The following CDH12 variants were observed in gnomAD, a reference collection of about 807,000 sequenced individuals.
CDH12 encodes cadherin 12.
In CDH12, 41 loss-of-function variants were observed where a neutral mutation model predicts 74.1. The ratio of observed to expected loss-of-function variants is 0.55; its 90% CI spans 0.43 to 0.72. The LOEUF (loss-of-function observed/expected upper bound fraction) is 0.72, where lower values mean the gene tolerates loss of function less well. Ranked by LOEUF, CDH12 falls within the 30% of genes least tolerant of loss-of-function variation. The pLI is 0.00. For missense variants in CDH12, 945 were observed against 977.2 expected (o/e 0.97, Z 0.44); for synonymous variants, 399 against 355.0 (o/e 1.12, Z -1.39).
chr5:21,859,506 C>T (rs1460708660), intron 6 of CDH12, among the ~76,000 whole-genome samples: 1 of 151,822 alleles, frequency 6.6e-6, no homozygotes, highest in African/African-American at 2.4e-5. Context: ...AATCAGTGTC[C>T]AATATATGGT....
rs958964355 is a variant in CDH12, at chr5:21,920,675, TA to T, written c.526+54415del. 5.3e-4 allele frequency among the ~76,000 whole-genome samples: 79 copies of T among 149,304 alleles called. 1 individual carries two copies. Among genetic ancestry groups the T allele is most frequent in the African/African-American group, 1.9e-3 (78 of 41,240 alleles). On this transcript the variant is annotated intron_variant, in intron 6 of 14. Coordinates refer to ENST00000382254, the MANE Select transcript of CDH12 (RefSeq NM_004061.5). The stretch of plus-strand genomic sequence containing the variant: ...TACCCCAGAACTTAAAGTATGATAA[TA>T]ATAATAATAATAATCTTCAAAGCCA...
intron 1 of CDH12, among the ~76,000 whole-genome samples, chr5:22,637,580 G>T (rs1404342886): frequency 5.9e-5 from 9 of 152,236 alleles, no homozygotes; most frequent in Admixed American, 5.9e-4. Flanking sequence ...AGACAGAACA[G>T]CAAAATGGCG....
chr5:22,796,582 G>C (rs1318681120), intron 1 of CDH12, among the ~76,000 whole-genome samples: 4 of 97,098 alleles, frequency 4.1e-5, no homozygotes, highest in East Asian at 3.4e-4. Context: ...TGCAGTGGCG[G>C]GATCTCGGCT....
intron 3 of CDH12, among the ~76,000 whole-genome samples, chr5:22,250,228 A>C (rs1418073316): frequency 6.6e-6 from 1 of 152,132 alleles, no homozygotes; most frequent in Non-Finnish European, 1.5e-5. Flanking sequence ...GCAAGGAAAA[A>C]AACCCACATA....
chr5:22,240,840 T>A (rs1160495601), intron 3 of CDH12, among the ~76,000 whole-genome samples: 1 of 152,198 alleles, frequency 6.6e-6, no homozygotes, highest in Non-Finnish European at 1.5e-5. Flanking sequence ...CCTGGCCGGA[T>A]AGTAATTATT....
chr5:21,764,513 G>A (rs1175305601), intron 12 of CDH12, among the ~76,000 whole-genome samples: 1 of 151,818 alleles, frequency 6.6e-6, no homozygotes, highest in Non-Finnish European at 1.5e-5. Context: ...GCTGGGCATG[G>A]TGGCGCATGC....
intron 4 of CDH12, among the ~76,000 whole-genome samples, chr5:22,189,853 C>T (rs1267276425): frequency 6.6e-6 from 1 of 151,894 alleles, no homozygotes; most frequent in Non-Finnish European, 1.5e-5. Flanking sequence ...CACATCTTCC[C>T]CCCGCCTATC....
chr5:22,146,714 G>A (rs2150304677), intron 4 of CDH12, among the ~76,000 whole-genome samples: 1 of 152,088 alleles, frequency 6.6e-6, no homozygotes. Flanking sequence ...CCCCTATCAA[G>A]GCTTAGTTTT....
chr5:22,727,663 G>T (rs1744228902), intron 1 of CDH12, among the ~76,000 whole-genome samples: 1 of 151,358 alleles, frequency 6.6e-6, no homozygotes. Context: ...TTTTTCTTCT[G>T]CCTGAAAATG....
intron 1 of CDH12, among the ~76,000 whole-genome samples, chr5:22,766,728 T>C (rs546396652): frequency 6.6e-6 from 1 of 152,228 alleles, no homozygotes; most frequent in East Asian, 1.9e-4. Flanking sequence ...CAGAAACTTG[T>C]TTTCTTGTCA....
intron 1 of CDH12, among the ~76,000 whole-genome samples, chr5:22,555,835 T>C (rs897325737): frequency 6.6e-6 from 1 of 151,818 alleles, no homozygotes; most frequent in Non-Finnish European, 1.5e-5. Context: ...AAAACATGCA[T>C]AATTGCATAA....
chr5:21,756,663 G>T (rs1744414664), intron 13 of CDH12, among the ~76,000 whole-genome samples: 1 of 152,084 alleles, frequency 6.6e-6, no homozygotes, highest in African/African-American at 2.4e-5. Flanking sequence ...TATTTCATTT[G>T]TGTGTCACAG....
chr5:22,431,004 G>A (rs1561398928), intron 2 of CDH12, among the ~76,000 whole-genome samples: 1 of 152,118 alleles, frequency 6.6e-6, no homozygotes, highest in Non-Finnish European at 1.5e-5. Flanking sequence ...CATGTTATTA[G>A]TAAGGTTACT....
At chr5:22,397,103 C>T (rs1268970596) in intron 3 of CDH12, among the ~76,000 whole-genome samples, 3 of 152,044 alleles carry the variant, frequency 2.0e-5, no homozygotes, top group African/African-American at 7.2e-5. Flanking sequence ...ACAATATCTC[C>T]CTGCCTCCCT....
intron 1 of CDH12, among the ~76,000 whole-genome samples, chr5:22,678,045 G>GT (rs1561571369): frequency 1.0e-4 from 2 of 19,564 alleles, no homozygotes; most frequent in African/African-American, 1.7e-4. Flanking sequence ...CCATCCTCAT[G>GT]GGGGGGGGGG....
chr5:22,244,805 A>AAGAAAAT (rs1752889858), intron 3 of CDH12, among the ~76,000 whole-genome samples: 1 of 146,310 alleles, frequency 6.8e-6, no homozygotes. Context: ...AGAAAGAAAA[A>AAGAAAAT]TTCAAAGTAG....
At chr5:21,978,710 C>T (rs1425224693) in intron 5 of CDH12, among the ~76,000 whole-genome samples, 1 of 152,034 alleles carries the variant, frequency 6.6e-6, no homozygotes, top group Non-Finnish European at 1.5e-5. Flanking sequence ...CCAATGGGCA[C>T]TCTGTATTCC....
At chr5:22,563,346 T>C (rs1317737439) in intron 1 of CDH12, among the ~76,000 whole-genome samples, 1 of 152,156 alleles carries the variant, frequency 6.6e-6, no homozygotes, top group African/African-American at 2.4e-5. Flanking sequence ...TTGAGTAATT[T>C]TTCAAATACC....
intron 3 of CDH12, among the ~76,000 whole-genome samples, chr5:22,265,861 A>T (rs1753683850): frequency 6.6e-6 from 1 of 152,098 alleles, no homozygotes; most frequent in South Asian, 2.1e-4. Context: ...ATACATTCAA[A>T]CACAGATGAT....
Sources: gnomAD v4.1 joint callset for allele counts (sites outside exome capture counted in the v4.1 genomes callset) on GRCh38, gnomAD v4.1.1 for gene constraint, MANE v1.5 for transcripts, NCBI Gene and HGNC (gene_info 2026-07-23, HGNC 2026-07-21) for gene names.